MYO16: variants seen among roughly 807,000 people sequenced by gnomAD.
MYO16 encodes unconventional myosin-XVI.
A neutral mutation model predicts 205.3 loss-of-function variants in MYO16; 94 were observed. The observed-to-expected ratio is 0.46, with a 90% CI of 0.39 to 0.54. The LOEUF (loss-of-function observed/expected upper bound fraction) is 0.54. Among genes scored for constraint, MYO16 ranks in the 20% least tolerant of loss-of-function variants. MYO16 has a pLI of 0.00. For synonymous variants in MYO16, 988 were observed against 954.0 expected, an observed-to-expected ratio of 1.04 and a Z score of -0.66; for missense variants, 2,315 against 2,387.5, an observed-to-expected ratio of 0.97 and a Z score of 0.63.
At chr13:108,755,533 T>C (rs1594268174) in intron 4 of MYO16, among the ~76,000 whole-genome samples, 1 of 147,478 alleles carries the variant, frequency 6.8e-6, no homozygotes, top group African/African-American at 2.5e-5. Flanking sequence ...TGCTAGTCTG[T>C]GATTTTTCTC....
At chr13:109,123,593 C>G (rs1344005028) in intron 29 of MYO16, among the ~76,000 whole-genome samples, 7 of 152,156 alleles carry the variant, frequency 4.6e-5, no homozygotes, top group Non-Finnish European at 5.9e-5. Flanking sequence ...GTGCCTCATA[C>G]TGTTTAACAT....
chr13:108,909,866 T>C, intron 15 of MYO16, 137 bp from the exon 16 acceptor site: 1 of 938,146 alleles, frequency 1.1e-6, no homozygotes, highest in Non-Finnish European at 1.6e-6. Flanking sequence ...AAAAAGACAA[T>C]AAAATAAAAT....
intron 27 of MYO16, among the ~76,000 whole-genome samples, chr13:109,056,904 C>T (rs767393112): frequency 6.6e-6 from 1 of 151,934 alleles, no homozygotes; most frequent in Non-Finnish European, 1.5e-5. Context: ...TGTGAAATCT[C>T]GCATTTATGT....
intron 32 of MYO16, 81 bp from the exon 33 acceptor site, chr13:109,164,820 A>T (rs1594147832): frequency 1.4e-6 from 1 of 693,130 alleles, no homozygotes; most frequent in Non-Finnish European, 2.1e-6. Flanking sequence ...TTGATGTTTT[A>T]TTATTTTCTC....
chr13:108,924,445 A>T (rs1379792153), intron 16 of MYO16, among the ~76,000 whole-genome samples: 2 of 152,186 alleles, frequency 1.3e-5, no homozygotes, highest in Non-Finnish European at 2.9e-5. Context: ...AAGGTGCTCC[A>T]GGGAGCCACC....
At chr13:108,656,713 A>G (rs1431290942) in intron 1 of MYO16, among the ~76,000 whole-genome samples, 2 of 152,028 alleles carry the variant, frequency 1.3e-5, no homozygotes, top group Admixed American at 1.3e-4. Flanking sequence ...CTGTTGATTC[A>G]TTTTCCTTTT....
the MYO16 span, among the ~76,000 whole-genome samples, chr13:108,500,218 TTTGTTTTTTTTTTGTTTTTTTTG>T: frequency 0.022 from 108 of 4,998 alleles, 33 homozygotes; most frequent in Non-Finnish European, 0.048. Flanking sequence ...TTTTTTTTTT[TTTGTTTTTTTTTTGTTTTTTTTG>T]TTTTTTTTTT....
intron 22 of MYO16, among the ~76,000 whole-genome samples, chr13:109,012,783 A>G (rs1040220156): frequency 1.2e-4 from 18 of 145,256 alleles, no homozygotes; most frequent in African/African-American, 2.2e-4. Flanking sequence ...GTGTGTGTAT[A>G]TATATATATA....
intron 28 of MYO16, among the ~76,000 whole-genome samples, chr13:109,115,242 C>CAAAAAAAA (rs61441934): frequency 1.7e-5 from 1 of 58,026 alleles, no homozygotes; most frequent in African/African-American, 7.8e-5. Context: ...CTACACCTCT[C>CAAAAAAAA]AAAAAAAAAA....
intron 6 of MYO16, among the ~76,000 whole-genome samples, chr13:108,799,061 C>G (rs1395841237): frequency 6.6e-6 from 1 of 152,198 alleles, no homozygotes; most frequent in African/African-American, 2.4e-5. Flanking sequence ...AGGCAAGTAT[C>G]AAGCAATTTT....
upstream of MYO16, among the ~76,000 whole-genome samples, chr13:108,595,345 G>A (rs752766526): frequency 6.6e-6 from 1 of 152,014 alleles, no homozygotes; most frequent in African/African-American, 2.4e-5. Flanking sequence ...ATGGAATCAG[G>A]TCAAATCTCC....
intron 1 of MYO16, among the ~76,000 whole-genome samples, chr13:108,600,463 T>C (rs573128315): frequency 1.9e-4 from 29 of 152,330 alleles, no homozygotes; most frequent in Middle Eastern, 6.8e-3. Flanking sequence ...TTGTTAACAT[T>C]GTATTATTAA....
chr13:108,888,392 A>G lies in MYO16; in HGVS notation c.1574A>G (p.Lys525Arg). Residue 525 changes from lysine to arginine, a missense_variant, in exon 14 of 35, where the codon AAG (lysine) becomes AGG (arginine). Physicochemically the swap from Lys to Arg is conservative, Grantham distance 26. Around this residue, in one of 3 missense-constraint regions of MYO16, gnomAD observed 1,213 missense variants for 1,274.4 expected, o/e 0.95. Transcript: ENST00000457511. ...FILSGERGSGKSEASKQIIRH... is the reference protein window; with the variant it reads ...FILSGERGSGRSEASKQIIRH... ...CTTAGTGGAGAAAGGGGATCAGGAAAGTCTGAAGCCAGCAAACAAATCATA... is the reference window on the plus strand; with the variant it reads ...CTTAGTGGAGAAAGGGGATCAGGAAGGTCTGAAGCCAGCAAACAAATCATA... 6.2e-7 allele frequency: 1 copy of G among 1,602,050 alleles called. No individual in the cohort carries two copies. The highest frequency in any genetic ancestry group is 8.5e-7 in the Non-Finnish European group (1 of 1,174,728).
chr13:108,735,675 G>C lies in MYO16; in HGVS notation c.507+8092G>C, dbSNP rs563713816. Among the ~76,000 whole-genome samples, 103 of 150,676 alleles carry C rather than the reference G, an allele frequency of 6.8e-4. 1 individual carries two copies. The highest frequency in any genetic ancestry group is 2.5e-3 in the African/African-American group (103 of 40,942). ...ATATACCCAGTAATGGTATGGCTGG[G>C]TCAAATGGTATTTCTAGTTCTAGAT... On this transcript the variant is annotated intron_variant, in intron 4 of 34. Coordinates refer to ENST00000457511, the MANE Select transcript of MYO16 (RefSeq NM_001198950.3).
chr13:108,590,142 T>C, the MYO16 span, among the ~76,000 whole-genome samples: 1 of 152,194 alleles, frequency 6.6e-6, no homozygotes, highest in Non-Finnish European at 1.5e-5. Flanking sequence ...AATCCTGTTT[T>C]CTAAACAGCA....
intron 32 of MYO16, among the ~76,000 whole-genome samples, chr13:109,148,366 G>A (rs1477750795): frequency 6.6e-6 from 1 of 152,152 alleles, no homozygotes; most frequent in African/African-American, 2.4e-5. Context: ...GCAAGCAGGA[G>A]GCCTATAAAC....
At chr13:108,927,511 A>G (rs1882064578) in intron 16 of MYO16, among the ~76,000 whole-genome samples, 1 of 152,272 alleles carries the variant, frequency 6.6e-6, no homozygotes, top group Non-Finnish European at 1.5e-5. Context: ...CCACCCTTCT[A>G]GAGCTTCCCA....
At chr13:108,883,227 C>T in intron 13 of MYO16, 41 bp downstream of exon 13, 1 of 1,599,706 alleles carries the variant, frequency 6.3e-7, no homozygotes, top group Non-Finnish European at 8.5e-7. Flanking sequence ...TCAGGTTTGC[C>T]ACGGGGCTTG....
chr13:108,539,016 G>A, the MYO16 span, among the ~76,000 whole-genome samples: 1 of 152,026 alleles, frequency 6.6e-6, no homozygotes, highest in East Asian at 1.9e-4. Context: ...GTTCACCTCT[G>A]CCTTTACCTG....
Sources: allele counts gnomAD v4.1 joint callset (sites outside exome capture counted in the v4.1 genomes callset), GRCh38; gene constraint gnomAD v4.1.1; regional missense constraint gnomAD v4.1.1; transcripts MANE v1.5; gene names NCBI Gene and HGNC (gene_info 2026-07-23, HGNC 2026-07-21).